The following NEDD4 variants were observed in gnomAD, a reference collection of about 807,000 sequenced individuals.
The protein encoded by NEDD4 is E3 ubiquitin-protein ligase NEDD4.
NEDD4 carries 99 observed loss-of-function variants against 144.9 expected under a neutral mutation model. The ratio of observed to expected loss-of-function variants is 0.68; its 90% CI spans 0.58 to 0.81. The LOEUF is 0.81. Ranked by LOEUF, NEDD4 falls within the 30% of genes least tolerant of loss-of-function variation. The pLI is 0.00. For synonymous variants in NEDD4, 318 were observed against 350.6 expected, an observed-to-expected ratio of 0.91 and a Z score of 1.04; for missense variants, 985 against 1,065.9, an observed-to-expected ratio of 0.92 and a Z score of 1.06.
At chr15:55,837,767 G>C (rs757149557) in intron 24 of NEDD4, 22 bp downstream of exon 24, 1 of 1,587,700 alleles carries the variant, frequency 6.3e-7, no homozygotes, top group Admixed American at 1.7e-5. Flanking sequence ...TTATGGAAGA[G>C]CAAATAAAAG....
intron 5 of NEDD4, 118 bp from the exon 6 acceptor site, chr15:55,874,126 T>C (rs1262168837): frequency 1.2e-5 from 6 of 515,296 alleles, no homozygotes; most frequent in Non-Finnish European, 2.1e-5. Flanking sequence ...TTCAGTCATA[T>C]GCAGCATCAA....
intron 4 of NEDD4, among the ~76,000 whole-genome samples, chr15:55,929,610 T>G (rs572526624): frequency 7.3e-4 from 111 of 152,278 alleles, no homozygotes; most frequent in Non-Finnish European, 1.3e-3. Flanking sequence ...CCTGTAAGCA[T>G]CAGTTTTAAT....
At chr15:55,911,255 G>T (rs982477741) in intron 5 of NEDD4, among the ~76,000 whole-genome samples, 1 of 152,064 alleles carries the variant, frequency 6.6e-6, no homozygotes, top group Admixed American at 6.5e-5. Flanking sequence ...GGAGGCCAGG[G>T]ATGCTGTTAA....
At chr15:55,845,182 C>T (rs1229299647) in intron 18 of NEDD4, among the ~76,000 whole-genome samples, 1 of 152,132 alleles carries the variant, frequency 6.6e-6, no homozygotes, top group African/African-American at 2.4e-5. Flanking sequence ...TTTAACCTTT[C>T]TTTTATATGT....
intron 1 of NEDD4, among the ~76,000 whole-genome samples, chr15:55,968,008 A>T (rs184812563): frequency 6.6e-6 from 1 of 152,326 alleles, no homozygotes; most frequent in African/African-American, 2.4e-5. Flanking sequence ...ATTTTAAAAA[A>T]TTTATAAAAT....
intron 18 of NEDD4, among the ~76,000 whole-genome samples, chr15:55,845,526 G>GT (rs143584252): frequency 0.054 from 7,949 of 148,152 alleles, 617 homozygotes; most frequent in East Asian, 0.3. Context: ...TTTTATCATG[G>GT]TTTTTTTTTT....
At chr15:55,934,077 CAGGAGGTGGAGG>C (rs1467256518) in intron 4 of NEDD4, among the ~76,000 whole-genome samples, 1 of 152,128 alleles carries the variant, frequency 6.6e-6, no homozygotes, top group Non-Finnish European at 1.5e-5. Context: ...AGCTTGAACC[CAGGAGGTGGAGG>C]TTGCAGTGAG....
At chr15:55,872,352 A>T in intron 7 of NEDD4, 63 bp downstream of exon 7, 1 of 615,436 alleles carries the variant, frequency 1.6e-6, no homozygotes, top group Non-Finnish European at 2.7e-6. Context: ...TAATAAGGCT[A>T]CTGTAAGGTG....
chr15:55,838,768 G>A (rs931017505), intron 21 of NEDD4, among the ~76,000 whole-genome samples, 164 bp from the exon 22 acceptor site: 3 of 152,164 alleles, frequency 2.0e-5, no homozygotes, highest in Admixed American at 6.5e-5. Flanking sequence ...GTGTATGTGT[G>A]TGTATTACAA....
intron 5 of NEDD4, among the ~76,000 whole-genome samples, chr15:55,876,406 CA>C (rs772666184): frequency 3.3e-4 from 44 of 131,710 alleles, no homozygotes; most frequent in East Asian, 2.8e-3. Flanking sequence ...TTGTTGTATA[CA>C]AAAAAAAAAT....
chr15:55,963,225 G>C (rs756719823), intron 2 of NEDD4, among the ~76,000 whole-genome samples: 3 of 148,514 alleles, frequency 2.0e-5, no homozygotes, highest in Non-Finnish European at 4.4e-5. Context: ...TTGACCTCCT[G>C]GGCTCCAGCG....
chr15:55,904,718 C>T (rs1418057072), intron 5 of NEDD4, among the ~76,000 whole-genome samples: 2 of 152,142 alleles, frequency 1.3e-5, no homozygotes, highest in East Asian at 3.9e-4. Flanking sequence ...GTTAAGGAAA[C>T]CACATTTTCT....
At chr15:55,940,116 C>T (rs920434745) in intron 4 of NEDD4, among the ~76,000 whole-genome samples, 1 of 152,062 alleles carries the variant, frequency 6.6e-6, no homozygotes, top group African/African-American at 2.4e-5. Flanking sequence ...CCCAGAAGAA[C>T]AAATACTGAC....
Position 55,850,580 on chromosome 15 carries a change from G to T in NEDD4, c.1309C>A (p.Pro437Thr). 1 of 1,614,108 alleles carries T rather than the reference G, an allele frequency of 6.2e-7. No individual in the cohort carries two copies. Among genetic ancestry groups the T allele is most frequent in the Non-Finnish European group, 8.5e-7 (1 of 1,180,022 alleles). Residue 437 changes from proline to threonine, a missense_variant, in exon 14 of 29, where the codon CCT becomes ACT. Coordinates refer to ENST00000435532, the MANE Select transcript of NEDD4 (RefSeq NM_006154.4). ...WEVRHAPNGR[P>T]FFIDHNTKTT... is the part of the protein sequence containing the mutation. ...TTAGTGTTGTGGTCAATAAAGAAAG[G>T]CCTCCCATTTGGTGCATGCCGGACT... is the stretch of plus-strand genomic sequence containing the variant.
Position 55,828,437 on chromosome 15 carries a change from T to C in NEDD4, c.*1460A>G, listed in dbSNP as rs928748684. The C allele has an allele frequency of 1.3e-5, 2 of 152,246 alleles. No individual in the cohort carries two copies. The highest frequency in any genetic ancestry group is 4.8e-5 in the African/African-American group (2 of 41,466). 9.4% of individuals were successfully genotyped at this position (152,246 alleles called of 1,614,324 possible). A position where few individuals can be genotyped will look rare whatever the true frequency, so the allele number is the denominator to read the frequency against. On this transcript the variant is annotated 3_prime_UTR_variant, in exon 29 of 29. Coordinates refer to ENST00000435532, the MANE Select transcript of NEDD4 (RefSeq NM_006154.4). ...ATATAAGGATGAAACAATATAAGTA[T>C]GAAATATAAATACAGTCTTGGCACA...
At chr15:55,851,751 A>C (rs1217479784) in intron 13 of NEDD4, among the ~76,000 whole-genome samples, 2 of 152,044 alleles carry the variant, frequency 1.3e-5, no homozygotes, top group Non-Finnish European at 2.9e-5. Flanking sequence ...TGCTGGGATT[A>C]TAGGCATGAG....
intron 5 of NEDD4, among the ~76,000 whole-genome samples, chr15:55,890,352 C>A (rs1167012955): frequency 6.6e-6 from 1 of 152,134 alleles, no homozygotes; most frequent in African/African-American, 2.4e-5. Context: ...GCATTCACTG[C>A]CCATTTCCCC....
At chr15:55,837,942 G>T in intron 23 of NEDD4, 93 bp from the exon 24 acceptor site, 1 of 1,084,836 alleles carries the variant, frequency 9.2e-7, no homozygotes, top group Non-Finnish European at 1.4e-6. Context: ...AAGGCTAGCT[G>T]AGACCAAGGT....
chr15:55,867,584 C>G (rs1417872251), intron 8 of NEDD4, among the ~76,000 whole-genome samples: 2 of 152,166 alleles, frequency 1.3e-5, no homozygotes, highest in African/African-American at 4.8e-5. Context: ...ATTCGAGATA[C>G]TCTGGTACAC....
Sources: allele counts gnomAD v4.1 joint callset (sites outside exome capture counted in the v4.1 genomes callset), GRCh38; gene constraint gnomAD v4.1.1; transcripts MANE v1.5; gene names NCBI Gene and HGNC (gene_info 2026-07-23, HGNC 2026-07-21).